EXD3: variants seen among roughly 807,000 people sequenced by gnomAD.
EXD3 encodes the protein exonuclease 3'-5' domain containing 3.
Under a neutral mutation model 98.0 loss-of-function variants are expected in EXD3, and 92 were observed. That is an observed-to-expected ratio of 0.94 (90% CI 0.79 to 1.12). The LOEUF (loss-of-function observed/expected upper bound fraction) is 1.12, where lower values mean the gene tolerates loss of function less well. Among genes scored for constraint, EXD3 ranks in the 50% most tolerant of loss-of-function variants. The probability of loss-of-function intolerance (pLI) is 0.00; values close to 1 mark genes in which losing one functional copy is unlikely to be tolerated. For synonymous variants in EXD3, 569 were observed against 526.0 expected (o/e 1.08, Z -1.12); for missense variants, 1,222 against 1,191.6 (o/e 1.03, Z -0.38).
Position 137,324,141 on chromosome 9 carries a change from A to C in EXD3, c.2001T>G (p.Val667=), listed in dbSNP as rs1832253157. 1.3e-6 allele frequency: 2 copies of C among 1,578,068 alleles called. No homozygotes were observed. The highest frequency in any genetic ancestry group is 2.7e-5 in the African/African-American group (2 of 74,214). ...GAATGATCCTCCCCTCCTGCCTGGCAACCTGTGTGGGAGGTGCGACCAGCA... is the reference window on the plus strand; with the variant it reads ...GAATGATCCTCCCCTCCTGCCTGGCCACCTGTGTGGGAGGTGCGACCAGCA... ...NGEDHRRAAE[V]ARQEGRIILT... Residue 667 remains valine, a splice_region_variant and synonymous_variant, in exon 18 of 22, where the codon GTT becomes GTG. Coordinates refer to ENST00000340951, the MANE Select transcript of EXD3 (RefSeq NM_017820.5). The surrounding 1 kb of genome is among the most constrained non-coding windows in gnomAD (Gnocchi z 4.1).
In EXD3 at chr9:137,413,864, C is replaced by A. The variant is rs1838112897; in HGVS notation, c.-48+9250G>T. 2.6e-5 allele frequency among the ~76,000 whole-genome samples: 4 copies of A among 151,392 alleles called. No homozygotes were observed. In the South Asian group the frequency reaches 8.4e-4, roughly 32 times the overall value. ...CCATTTTGTGTCTCTGTGAATCTTTCTATTTTGGGCATTTCCTATAAAGGA... is the reference window on the plus strand; with the variant it reads ...CCATTTTGTGTCTCTGTGAATCTTTATATTTTGGGCATTTCCTATAAAGGA... On this transcript the variant is annotated intron_variant, in intron 1 of 21. Transcript: ENST00000340951.
At chr9:137,388,619 G>A (rs552659096) in intron 2 of EXD3, among the ~76,000 whole-genome samples, 8 of 152,136 alleles carry the variant, frequency 5.3e-5, no homozygotes, top group South Asian at 2.1e-4. Flanking sequence ...AGCAGCGGGC[G>A]CCAGGCAGAG....
chr9:137,354,897 C>T, intron 8 of EXD3, 124 bp from the exon 9 acceptor site: 6 of 933,218 alleles, frequency 6.4e-6, no homozygotes, highest in Non-Finnish European at 1.6e-6. Flanking sequence ...CACCTCTGCC[C>T]CGGAGCCCAC....
At chr9:137,383,465 G>A (rs966120273) in intron 2 of EXD3, 88 bp from the exon 3 acceptor site, 42 of 1,011,356 alleles carry the variant, frequency 4.2e-5, no homozygotes, top group Admixed American at 2.0e-4. Context: ...CCACTGACCC[G>A]CAATGCCTGG....
chr9:137,332,717 C>CAT (rs1833148422), intron 17 of EXD3, among the ~76,000 whole-genome samples: 1 of 151,936 alleles, frequency 6.6e-6, no homozygotes, highest in African/African-American at 2.4e-5. Context: ...TGGTGGCGGG[C>CAT]GCCTGTAGTC....
intron 17 of EXD3, among the ~76,000 whole-genome samples, chr9:137,328,661 A>G (rs71485014): frequency 0.5 from 10,247 of 20,654 alleles, 1,603 homozygotes; most frequent in East Asian, 0.65. Context: ...ACTACACGGG[A>G]CTACACGGGA....
intron 17 of EXD3, among the ~76,000 whole-genome samples, chr9:137,341,868 A>G (rs74375710): frequency 5.4e-5 from 2 of 37,244 alleles, no homozygotes; most frequent in Admixed American, 2.7e-4. Flanking sequence ...CAGAGGAAAC[A>G]GGGCTCAGGC....
intron 5 of EXD3, among the ~76,000 whole-genome samples, chr9:137,372,287 C>T (rs1255023915): frequency 1.3e-5 from 2 of 152,224 alleles, no homozygotes; most frequent in African/African-American, 4.8e-5. Context: ...GGTGCCCTGG[C>T]CCTGAACCTT....
intron 12 of EXD3, 107 bp from the exon 13 acceptor site, chr9:137,351,635 G>A (rs1292562861): frequency 3.9e-6 from 4 of 1,034,384 alleles, no homozygotes; most frequent in Non-Finnish European, 2.9e-6. Context: ...TCGGGGAGAC[G>A]CCCCTGCACC....
intron 3 of EXD3, chr9:137,374,674 C>G (rs1835806850): frequency 1.0e-6 from 1 of 985,460 alleles, no homozygotes; most frequent in Non-Finnish European, 1.2e-6. Context: ...GCGCGGGAGG[C>G]AAGGCTGCAA....
At chr9:137,321,020 C>T (rs1371997132) in intron 19 of EXD3, among the ~76,000 whole-genome samples, 3 of 152,198 alleles carry the variant, frequency 2.0e-5, no homozygotes, top group African/African-American at 2.4e-5. Flanking sequence ...AGGCAGAGGC[C>T]GCGGTCCCCG....
chr9:137,343,970 C>A (rs1833790195), intron 17 of EXD3, among the ~76,000 whole-genome samples: 1 of 133,238 alleles, frequency 7.5e-6, no homozygotes, highest in Non-Finnish European at 1.5e-5. Flanking sequence ...CGGCTCACTG[C>A]AATCTCCACC....
intron 1 of EXD3, among the ~76,000 whole-genome samples, chr9:137,412,919 C>T (rs1276223170): frequency 1.3e-5 from 2 of 151,424 alleles, no homozygotes; most frequent in African/African-American, 4.9e-5. Context: ...CTGGGACCAC[C>T]GGAGTGCACG....
chr9:137,416,289 C>T (rs1205728960), intron 1 of EXD3, among the ~76,000 whole-genome samples: 1 of 152,230 alleles, frequency 6.6e-6, no homozygotes, highest in Admixed American at 6.5e-5. Flanking sequence ...GCCCGAGGTT[C>T]CCAGAGTGAG....
chr9:137,414,870 G>A (rs1838163859), intron 1 of EXD3, among the ~76,000 whole-genome samples: 1 of 152,138 alleles, frequency 6.6e-6, no homozygotes, highest in Admixed American at 6.5e-5. Context: ...TTGTTTTTAT[G>A]TTTTTGAGAT....
At chr9:137,315,462 G>C (rs1303259659) in intron 19 of EXD3, among the ~76,000 whole-genome samples, 2 of 152,030 alleles carry the variant, frequency 1.3e-5, no homozygotes, top group Non-Finnish European at 2.9e-5. Context: ...CCGGGTGTCT[G>C]GCACCCCTCT....
chr9:137,345,209 T>C (rs888071954), intron 17 of EXD3, among the ~76,000 whole-genome samples: 1 of 152,274 alleles, frequency 6.6e-6, no homozygotes, highest in African/African-American at 2.4e-5. Flanking sequence ...CTCTGGGCTC[T>C]CGCCCGGAAT....
At chr9:137,417,955 G>C (rs573416468) in intron 1 of EXD3, among the ~76,000 whole-genome samples, 65 of 152,288 alleles carry the variant, frequency 4.3e-4, no homozygotes, top group African/African-American at 1.5e-3. Context: ...ACCACGGAGG[G>C]GACGGGTGAG....
chr9:137,324,128 C>T lies in EXD3; in HGVS notation c.2014G>A (p.Gly672Arg). Residue 672 changes from glycine to arginine, a missense_variant, in exon 18 of 22, where the codon GGG (glycine) becomes AGG (arginine). Gly to Arg is a moderately radical substitution (Grantham distance 125). Transcript: ENST00000340951. The surrounding 1 kb of genome is among the most constrained non-coding windows in gnomAD (Gnocchi z 4.1). Reference protein sequence around the residue: ...RRAAEVARQEGRIILTSGQPF... With the variant: ...RRAAEVARQERRIILTSGQPF... ...TGCCCCGACGTCAGAATGATCCTCCCCTCCTGCCTGGCAACCTGTGTGGGA... is the reference window on the plus strand; with the variant it reads ...TGCCCCGACGTCAGAATGATCCTCCTCTCCTGCCTGGCAACCTGTGTGGGA... 1.9e-6 allele frequency: 3 copies of T among 1,584,672 alleles called. No individual in the cohort carries two copies. The highest frequency in any genetic ancestry group is 2.6e-6 in the Non-Finnish European group (3 of 1,166,180).
Sources: allele counts gnomAD v4.1 joint callset (sites outside exome capture counted in the v4.1 genomes callset), GRCh38; gene constraint gnomAD v4.1.1; non-coding constraint Gnocchi (gnomAD v3.1); transcripts MANE v1.5; gene names NCBI Gene and HGNC (gene_info 2026-07-23, HGNC 2026-07-21).